LRP5: variants seen among roughly 807,000 people sequenced by gnomAD.
LRP5 encodes the protein LDL receptor related protein 5.
LRP5 carries 62 observed loss-of-function variants against 154.1 expected under a neutral mutation model. That is an observed-to-expected ratio of 0.40 (90% CI 0.33 to 0.50). The LOEUF (loss-of-function observed/expected upper bound fraction) is 0.50. Ranked by LOEUF, LRP5 falls within the 20% of genes least tolerant of loss-of-function variation. The probability of loss-of-function intolerance (pLI) is 0.55; values close to 1 mark genes in which losing one functional copy is unlikely to be tolerated. For synonymous variants in LRP5, 966 were observed against 1,011.5 expected, an observed-to-expected ratio of 0.96 and a Z score of 0.85; for missense variants, 1,915 against 2,336.7, an observed-to-expected ratio of 0.82 and a Z score of 3.72.
intron 21 of LRP5, among the ~76,000 whole-genome samples, chr11:68,443,583 A>T (rs373005882): frequency 0.11 from 3,418 of 32,300 alleles, 191 homozygotes; most frequent in African/African-American, 0.23. Context: ...ATATATATAT[A>T]TATTTTTTTT....
chr11:68,377,018 C>G (rs116064448), intron 5 of LRP5, among the ~76,000 whole-genome samples: 1 of 152,138 alleles, frequency 6.6e-6, no homozygotes, highest in Non-Finnish European at 1.5e-5. Flanking sequence ...CGGTGGCTCA[C>G]GCCTGTAATC....
At chr11:68,337,904 C>G (rs1267232529) in intron 1 of LRP5, among the ~76,000 whole-genome samples, 3 of 152,260 alleles carry the variant, frequency 2.0e-5, no homozygotes, top group Non-Finnish European at 4.4e-5. Context: ...ACAGCCAGGT[C>G]TTCTTCCTCC....
intron 1 of LRP5, among the ~76,000 whole-genome samples, chr11:68,321,883 G>C (rs2098596953): frequency 6.6e-6 from 1 of 152,206 alleles, no homozygotes; most frequent in Admixed American, 6.5e-5. Context: ...ATAGCTATCT[G>C]AGCGTGTGGC....
chr11:68,433,490 G>C (rs1025916509), intron 17 of LRP5, 112 bp from the exon 18 acceptor site: 2 of 965,828 alleles, frequency 2.1e-6, no homozygotes, highest in African/African-American at 1.6e-5. Context: ...CAGCAGGGAT[G>C]CCAAACCCGC....
intron 1 of LRP5, among the ~76,000 whole-genome samples, chr11:68,323,813 C>T (rs2098598116): frequency 6.6e-6 from 1 of 152,214 alleles, no homozygotes; most frequent in African/African-American, 2.4e-5. Context: ...GAGTGTCACC[C>T]TCCCAGGTTA....
At chr11:68,398,647 G>GA (rs770706960) in intron 7 of LRP5, among the ~76,000 whole-genome samples, 33 of 125,258 alleles carry the variant, frequency 2.6e-4, no homozygotes, top group South Asian at 5.0e-4. Context: ...TTAATTACTT[G>GA]AAAAAAAAAA....
At position 68,403,647 on chromosome 11, in the gene LRP5, C is replaced by A; in HGVS notation, c.1749C>A (p.Asp583Glu). Residue 583 changes from aspartate to glutamate, a missense_variant, in exon 8 of 23, where the codon GAC (aspartate) becomes GAA (glutamate). By Grantham distance (45) the Asp-to-Glu change is conservative. This residue lies in a region of LRP5 where 773 missense variants were observed against 1,100.9 expected (regional missense o/e 0.70). Transcript: ENST00000294304. ...KVKASRDVII[D>E]QLPDLMGLKA... ...AGGCCAGCCGGGACGTCATCATTGA[C>A]CAGCTGCCCGACCTGATGGGGCTCA... 1.9e-6 allele frequency: 3 copies of A among 1,614,160 alleles called. No homozygotes were observed. Among genetic ancestry groups the A allele is most frequent in the Non-Finnish European group, 2.5e-6 (3 of 1,180,044 alleles).
chr11:68,431,277 T>A (rs2098671769), intron 17 of LRP5, among the ~76,000 whole-genome samples: 1 of 150,214 alleles, frequency 6.7e-6, no homozygotes, highest in African/African-American at 2.5e-5. Context: ...CTCGCTTTTT[T>A]CGCGCAGGCT....
chr11:68,392,306 C>A lies in LRP5; in HGVS notation c.1584+2254C>A, dbSNP rs558228666. ...ATCACCTGAGGTCAGGAGTTTGAGA[C>A]CAGCCTGGCCAACATGATGAAATCC... On this transcript the variant is annotated intron_variant, in intron 7 of 22. Transcript: ENST00000294304. Among the ~76,000 whole-genome samples, 81 of 152,198 alleles carry A rather than the reference C, an allele frequency of 5.3e-4. No homozygotes were observed. In the South Asian group the frequency reaches 0.017, roughly 31 times the overall value.
intron 1 of LRP5, among the ~76,000 whole-genome samples, chr11:68,342,135 A>G (rs1426453801): frequency 6.7e-6 from 1 of 149,720 alleles, no homozygotes; most frequent in African/African-American, 2.5e-5. Context: ...TGTGTTGCCC[A>G]GGCTGGTCTT....
intron 19 of LRP5, among the ~76,000 whole-genome samples, chr11:68,437,258 G>A (rs1028073333): frequency 2.0e-5 from 3 of 152,240 alleles, no homozygotes; most frequent in Non-Finnish European, 2.9e-5. Context: ...CCTGCAGCAC[G>A]CACCCACCCA....
At chr11:68,424,962 T>C in intron 14 of LRP5, 140 bp from the exon 15 acceptor site, 1 of 667,608 alleles carries the variant, frequency 1.5e-6, no homozygotes, top group Non-Finnish European at 2.7e-6. Context: ...ATTGTTCAAC[T>C]AGTATAGAAT....
chr11:68,394,519 G>A (rs1480332477), intron 7 of LRP5, among the ~76,000 whole-genome samples: 1 of 151,380 alleles, frequency 6.6e-6, no homozygotes, highest in African/African-American at 2.4e-5. Flanking sequence ...AGTCTGGAGT[G>A]CAGTGGCACG....
At chr11:68,422,655 C>T (rs987554718) in intron 13 of LRP5, among the ~76,000 whole-genome samples, 4 of 152,240 alleles carry the variant, frequency 2.6e-5, no homozygotes, top group South Asian at 4.1e-4. Flanking sequence ...AGTGTGGAGA[C>T]GGAGAGTCCT....
chr11:68,303,382 A>G, the LRP5 span, among the ~76,000 whole-genome samples: 1 of 152,214 alleles, frequency 6.6e-6, no homozygotes, highest in East Asian at 1.9e-4. Context: ...CACTTTCGTT[A>G]TGCCTTAGCA....
chr11:68,308,327 C>T (rs1484412120), upstream of LRP5, among the ~76,000 whole-genome samples: 1 of 152,228 alleles, frequency 6.6e-6, no homozygotes, highest in Non-Finnish European at 1.5e-5. Context: ...AACCAAAAGG[C>T]ACTTTGCCCA....
intron 10 of LRP5, among the ~76,000 whole-genome samples, chr11:68,410,524 G>T (rs745355358): frequency 3.3e-5 from 5 of 152,194 alleles, no homozygotes; most frequent in Non-Finnish European, 5.9e-5. Flanking sequence ...GCTGTCTCAG[G>T]CTCCTGACCA....
intron 1 of LRP5, among the ~76,000 whole-genome samples, chr11:68,328,730 T>C (rs1277906699): frequency 2.0e-5 from 3 of 152,234 alleles, no homozygotes; most frequent in Non-Finnish European, 4.4e-5. Context: ...CAGTAAATGC[T>C]TCCATCTGCG....
chr11:68,314,200 G>A (rs976234370), intron 1 of LRP5, among the ~76,000 whole-genome samples: 8 of 152,136 alleles, frequency 5.3e-5, no homozygotes, highest in South Asian at 2.1e-4. Context: ...TTTAAAGGGG[G>A]GGTTTCTAGG....
Sources: allele counts gnomAD v4.1 joint callset (sites outside exome capture counted in the v4.1 genomes callset), GRCh38; gene constraint gnomAD v4.1.1; regional missense constraint gnomAD v4.1.1; transcripts MANE v1.5; gene names NCBI Gene and HGNC (gene_info 2026-07-23, HGNC 2026-07-21).